Variants in SLC24A3 observed in about 807,000 individuals in gnomAD.
The protein encoded by SLC24A3 is sodium/potassium/calcium exchanger 3.
Under a neutral mutation model 75.8 loss-of-function variants are expected in SLC24A3, and 28 were observed. The observed-to-expected ratio is 0.37, with a 90% CI of 0.27 to 0.51. SLC24A3 has a LOEUF of 0.51. Among genes scored for constraint, SLC24A3 ranks in the 20% least tolerant of loss-of-function variants. The pLI is 0.94. For missense variants in SLC24A3, 663 were observed against 847.8 expected (o/e 0.78, Z 2.71); for synonymous variants, 372 against 334.1 (o/e 1.11, Z -1.24).
At chr20:19,654,034 G>A (rs908976533) in intron 6 of SLC24A3, 28 bp from the exon 7 acceptor site, 2 of 1,587,630 alleles carry the variant, frequency 1.3e-6, no homozygotes, top group African/African-American at 2.7e-5. Context: ...TCTATATCCT[G>A]TTTGACTTTG....
At chr20:19,233,739 G>C (rs1982090064) in intron 1 of SLC24A3, among the ~76,000 whole-genome samples, 1 of 152,178 alleles carries the variant, frequency 6.6e-6, no homozygotes, top group African/African-American at 2.4e-5. Context: ...ATCATTCAGG[G>C]GTAGGAGACA....
At chr20:19,378,912 A>G (rs79323043) in intron 2 of SLC24A3, among the ~76,000 whole-genome samples, 1 of 143,280 alleles carries the variant, frequency 7.0e-6, no homozygotes, top group Non-Finnish European at 1.5e-5. Flanking sequence ...AAGCTCAAAA[A>G]AAAAAAAAAG....
At chr20:19,644,310 T>C (rs1283222295) in intron 6 of SLC24A3, among the ~76,000 whole-genome samples, 4 of 152,298 alleles carry the variant, frequency 2.6e-5, no homozygotes, top group Middle Eastern at 3.4e-3. Flanking sequence ...CTGAATTCTC[T>C]GTCCTCTAAG....
intron 6 of SLC24A3, among the ~76,000 whole-genome samples, chr20:19,624,474 G>A (rs75078444): frequency 0.048 from 7,331 of 152,210 alleles, 604 homozygotes; most frequent in African/African-American, 0.17. Context: ...TTTCTCACAT[G>A]TCTTTCATTC....
chr20:19,504,843 CAT>C (rs1360072087), intron 2 of SLC24A3, among the ~76,000 whole-genome samples: 2 of 152,222 alleles, frequency 1.3e-5, no homozygotes, highest in Non-Finnish European at 2.9e-5. Context: ...TTGATAATCA[CAT>C]GTGAGCAACA....
intron 6 of SLC24A3, among the ~76,000 whole-genome samples, chr20:19,639,632 A>C (rs1400361390): frequency 1.3e-5 from 2 of 152,090 alleles, no homozygotes; most frequent in African/African-American, 4.8e-5. Flanking sequence ...GTGCAGCCGC[A>C]CTCCTCAGCC....
intron 2 of SLC24A3, among the ~76,000 whole-genome samples, chr20:19,410,817 A>G (rs1986730847): frequency 6.6e-6 from 1 of 152,224 alleles, no homozygotes; most frequent in African/African-American, 2.4e-5. Flanking sequence ...CGTTTTCTCT[A>G]CAAACATGTA....
chr20:19,525,524 C>T (rs757447089), intron 3 of SLC24A3, among the ~76,000 whole-genome samples: 39 of 152,208 alleles, frequency 2.6e-4, no homozygotes, highest in Middle Eastern at 6.8e-3. Flanking sequence ...TGGAGAACAT[C>T]CACAACTGAT....
intron 2 of SLC24A3, among the ~76,000 whole-genome samples, chr20:19,389,133 C>T (rs1986324614): frequency 6.6e-6 from 1 of 152,044 alleles, no homozygotes; most frequent in Admixed American, 6.5e-5. Flanking sequence ...CTCTTCCCCC[C>T]AAACTTTGTG....
chr20:19,404,143 G>T (rs1182057440), intron 2 of SLC24A3, among the ~76,000 whole-genome samples: 1 of 152,130 alleles, frequency 6.6e-6, no homozygotes, highest in African/African-American at 2.4e-5. Context: ...GGATTTCTTG[G>T]CACCCCTTTA....
Position 19,263,033 on chromosome 20 carries a change from TTGTGTGTG to T in SLC24A3, c.143-17894_143-17887del, listed in dbSNP as rs11473481. On this transcript the variant is annotated intron_variant, in intron 1 of 16. Coordinates refer to ENST00000328041, the MANE Select transcript of SLC24A3 (RefSeq NM_020689.4). The stretch of plus-strand genomic sequence containing the variant: ...CTCGCTCCATCACCCACTCCAGCCT[TTGTGTGTG>T]TGTGTGTGTGTGTGTGTGTGTGTGT... 2.2e-3 allele frequency among the ~76,000 whole-genome samples: 311 copies of T among 143,238 alleles called. 1 individual carries two copies. Among genetic ancestry groups the T allele is most frequent in the Non-Finnish European group, 2.9e-3 (191 of 65,346 alleles). 94.0% of individuals were successfully genotyped at this position (143,238 alleles called of 152,430 possible).
At chr20:19,705,905 C>A (rs181052102) in intron 15 of SLC24A3, among the ~76,000 whole-genome samples, 76 of 152,280 alleles carry the variant, frequency 5.0e-4, no homozygotes, top group Admixed American at 1.5e-3. Flanking sequence ...AATAAGAAAT[C>A]TTTCTAAAAG....
At chr20:19,231,687 A>G (rs1452223128) in intron 1 of SLC24A3, among the ~76,000 whole-genome samples, 1 of 152,200 alleles carries the variant, frequency 6.6e-6, no homozygotes, top group African/African-American at 2.4e-5. Flanking sequence ...TGACTTCCAG[A>G]ACTGTATGGG....
At chr20:19,715,035 A>G (rs571572764) in intron 15 of SLC24A3, among the ~76,000 whole-genome samples, 1 of 152,338 alleles carries the variant, frequency 6.6e-6, no homozygotes, top group South Asian at 2.1e-4. Context: ...CTGAAAGTTA[A>G]GAGCTCAAAA....
rs532595293 is a variant in SLC24A3 at position 19,304,429 on chromosome 20, G to C, written c.271+23342G>C. On this transcript the variant is annotated intron_variant, in intron 2 of 16. Coordinates refer to ENST00000328041, the MANE Select transcript of SLC24A3 (RefSeq NM_020689.4). ...TTTACCAGAAAACCTGAGCCTGGGAGTCCCTACTTGCAATGGCCCTTCCAA... is the reference window on the plus strand; with the variant it reads ...TTTACCAGAAAACCTGAGCCTGGGACTCCCTACTTGCAATGGCCCTTCCAA... 3.9e-5 allele frequency among the ~76,000 whole-genome samples: 6 copies of C among 152,238 alleles called. No individual in the cohort carries two copies. In the South Asian group the frequency reaches 1.2e-3, roughly 32 times the overall value.
intron 2 of SLC24A3, among the ~76,000 whole-genome samples, chr20:19,286,109 A>G (rs1436124368): frequency 1.3e-5 from 2 of 152,202 alleles, no homozygotes; most frequent in Non-Finnish European, 2.9e-5. Context: ...TGTCTGGCTT[A>G]GCTGGGCCTA....
intron 2 of SLC24A3, among the ~76,000 whole-genome samples, chr20:19,432,199 C>G (rs762564086): frequency 1.3e-5 from 2 of 151,044 alleles, no homozygotes; most frequent in East Asian, 1.9e-4. Context: ...ACCCCCAATG[C>G]GGGTATCCTA....
intron 3 of SLC24A3, among the ~76,000 whole-genome samples, chr20:19,571,238 C>G (rs1455112949): frequency 6.6e-6 from 1 of 152,114 alleles, no homozygotes; most frequent in African/African-American, 2.4e-5. Flanking sequence ...AAGGTGTGTA[C>G]TGGAATCTCA....
At chr20:19,569,837 G>A (rs2031024123) in intron 3 of SLC24A3, among the ~76,000 whole-genome samples, 1 of 152,114 alleles carries the variant, frequency 6.6e-6, no homozygotes, top group Non-Finnish European at 1.5e-5. Flanking sequence ...AGGCTCTGGG[G>A]GTCTCCACCA....
Sources: gnomAD v4.1 joint callset for allele counts (sites outside exome capture counted in the v4.1 genomes callset) on GRCh38, gnomAD v4.1.1 for gene constraint, MANE v1.5 for transcripts, NCBI Gene and HGNC (gene_info 2026-07-23, HGNC 2026-07-21) for gene names.